Variants in RSPH4A observed in about 807,000 individuals in gnomAD.
The protein encoded by RSPH4A is radial spoke head protein 4 homolog A.
A neutral mutation model predicts 71.0 loss-of-function variants in RSPH4A; 47 were observed. The ratio of observed to expected loss-of-function variants is 0.66; its 90% confidence interval spans 0.52 to 0.84. The LOEUF (loss-of-function observed/expected upper bound fraction) is 0.84, where lower values mean the gene tolerates loss of function less well. Among genes scored for constraint, RSPH4A ranks in the 40% least tolerant of loss-of-function variants. The probability of loss-of-function intolerance (pLI) is 0.00; values close to 1 mark genes in which losing one functional copy is unlikely to be tolerated. For missense variants in RSPH4A, 793 were observed against 855.2 expected, an observed-to-expected ratio of 0.93 and a Z score of 0.91; for synonymous variants, 282 against 302.3, an observed-to-expected ratio of 0.93 and a Z score of 0.70.
intron 2 of RSPH4A, among the ~76,000 whole-genome samples, chr6:116,624,201 C>T (rs1479106990): frequency 1.3e-5 from 2 of 152,148 alleles, no homozygotes; most frequent in Non-Finnish European, 2.9e-5. Context: ...CTAACTGATG[C>T]AGTAAGACCT....
rs1302492081 is a variant in RSPH4A at position 116,630,560 on chromosome 6, T to C, written c.1916+8T>C. 1 of 1,295,388 alleles carries C rather than the reference T, an allele frequency of 7.7e-7. No homozygotes were observed. The highest frequency in any genetic ancestry group is 1.1e-6 in the Non-Finnish European group (1 of 889,826). 80.2% of individuals were successfully genotyped at this position (1,295,388 alleles called of 1,614,324 possible). On this transcript the variant is annotated splice_region_variant and intron_variant, in intron 5 of 5. Transcript: ENST00000229554. ...TGCCTTCTCCAATGGCAAGTAAGTA[T>C]CTGACCACTTACAAAGCCATTTCTG...
intron 1 of RSPH4A, among the ~76,000 whole-genome samples, chr6:116,618,615 G>T (rs1208892220): frequency 6.6e-6 from 1 of 152,194 alleles, no homozygotes; most frequent in African/African-American, 2.4e-5. Context: ...CTGGGTTCAA[G>T]CGATTCTCCT....
Position 116,630,845 on chromosome 6 carries a change from G to GTTTTTT in RSPH4A, c.1916+294_1916+295insTTTTTT, listed in dbSNP as rs1285123787. On this transcript the variant is annotated intron_variant, in intron 5 of 5. Transcript: ENST00000229554. ...GCACCACTATGCCCAGCTAATTTTT[G>GTTTTTT]TATTTTTTTTTTTTTTTTTTTTTTT... Among the ~76,000 whole-genome samples the GTTTTTT allele has an allele frequency of 8.2e-3, 557 of 67,558 alleles. 49 individuals carry two copies. The highest frequency in any genetic ancestry group is 0.01 in the Non-Finnish European group (377 of 37,500). The allele number at this position is 67,558 out of a possible 152,430, so 44.3% of individuals were successfully genotyped here.
chr6:116,629,508 A>G, intron 3 of RSPH4A, 59 bp from the exon 4 acceptor site: 1 of 1,545,936 alleles, frequency 6.5e-7, no homozygotes, highest in Non-Finnish European at 8.9e-7. Flanking sequence ...ATTCAAATGA[A>G]TAATCTGAAA....
intron 2 of RSPH4A, 128 bp downstream of exon 2, chr6:116,623,130 G>C (rs533753707): frequency 9.7e-6 from 7 of 719,032 alleles, no homozygotes; most frequent in South Asian, 6.5e-5. Flanking sequence ...GTTTTGTTTA[G>C]ACAGGCTCCC....
At chr6:116,619,064 A>G (rs1775558511) in intron 1 of RSPH4A, among the ~76,000 whole-genome samples, 1 of 152,142 alleles carries the variant, frequency 6.6e-6, no homozygotes, top group African/African-American at 2.4e-5. Context: ...AAGGAGTGCA[A>G]AGTTTCCTTG....
intron 4 of RSPH4A, 73 bp downstream of exon 4, chr6:116,629,775 T>C (rs763626795): frequency 4.3e-5 from 60 of 1,390,490 alleles, no homozygotes; most frequent in Non-Finnish European, 6.1e-5. Flanking sequence ...ATATAGTAAA[T>C]ATGAGAGTCG....
chr6:116,619,524 A>T (rs116392034), intron 1 of RSPH4A, among the ~76,000 whole-genome samples: 1 of 152,188 alleles, frequency 6.6e-6, no homozygotes, highest in Non-Finnish European at 1.5e-5. Context: ...ACCATGATCT[A>T]TTGGGGTGCT....
At chr6:116,623,798 T>C (rs1323352686) in intron 2 of RSPH4A, among the ~76,000 whole-genome samples, 1 of 152,226 alleles carries the variant, frequency 6.6e-6, no homozygotes. Flanking sequence ...ATATTATGTA[T>C]ATTACATCAA....
Position 116,632,518 on chromosome 6 carries a change from C to G in RSPH4A, c.*77C>G. ...TATATGGGACTAATTTTACACTTTT[C>G]TGTGTTATGTGTGTATATACATACA... On this transcript the variant is annotated 3_prime_UTR_variant, in exon 6 of 6. Transcript: ENST00000229554. 2.6e-6 allele frequency: 4 copies of G among 1,544,154 alleles called. No homozygotes were observed. The highest frequency in any genetic ancestry group is 3.5e-6 in the Non-Finnish European group (4 of 1,141,892).
intron 1 of RSPH4A, among the ~76,000 whole-genome samples, chr6:116,620,087 C>A (rs1199604144): frequency 6.6e-6 from 1 of 152,200 alleles, no homozygotes; most frequent in Non-Finnish European, 1.5e-5. Flanking sequence ...CCATAGTGGA[C>A]TCTACTTGAA....
At chr6:116,625,331 C>G (rs1775677244) in intron 2 of RSPH4A, among the ~76,000 whole-genome samples, 1 of 151,942 alleles carries the variant, frequency 6.6e-6, no homozygotes, top group Non-Finnish European at 1.5e-5. Flanking sequence ...GAAAAAGGAA[C>G]AATAAAATAA....
chr6:116,632,879 T>G lies in RSPH4A; in HGVS notation c.*438T>G, dbSNP rs1450072176. On this transcript the variant is annotated 3_prime_UTR_variant, in exon 6 of 6. Transcript: ENST00000229554. ...GGAAACATCAATACTTTTTAAAGAG[T>G]GTCAAGGGGTATGAAGACAAAAAAT... 5.0e-6 allele frequency: 1 copy of G among 200,000 alleles called. No homozygotes were observed. The highest frequency in any genetic ancestry group is 1.0e-5 in the Non-Finnish European group (1 of 97,046). 12.4% of individuals were successfully genotyped at this position (200,000 alleles called of 1,614,324 possible).
chr6:116,628,087 A>G lies in RSPH4A; in HGVS notation c.1380A>G (p.Lys460=), dbSNP rs1292618461. 1 of 1,614,120 alleles carries G rather than the reference A, an allele frequency of 6.2e-7. No individual in the cohort carries two copies. Among genetic ancestry groups the G allele is most frequent in the South Asian group, 1.1e-5 (1 of 91,086 alleles). The change falls in exon 3 of 6, where the codon AAA becomes AAG. Residue 460 remains lysine, a synonymous_variant. Coordinates refer to ENST00000229554, the MANE Select transcript of RSPH4A (RefSeq NM_001010892.3). ...TTGTTATTGCAAGAAAAATCAAGAAATTTTTCACTGGGCGATTGGATGCTC... is the reference window on the plus strand; with the variant it reads ...TTGTTATTGCAAGAAAAATCAAGAAGTTTTTCACTGGGCGATTGGATGCTC... ...AQIVIARKIK[K]FFTGRLDAPI...
chr6:116,622,072 AT>A (rs1458534511), intron 1 of RSPH4A, among the ~76,000 whole-genome samples: 1 of 152,216 alleles, frequency 6.6e-6, no homozygotes, highest in Non-Finnish European at 1.5e-5. Flanking sequence ...ATAGAACAAA[AT>A]ATTAGAGTGT....
intron 1 of RSPH4A, among the ~76,000 whole-genome samples, chr6:116,620,592 C>G (rs1775587671): frequency 6.6e-6 from 1 of 152,092 alleles, no homozygotes; most frequent in South Asian, 2.1e-4. Context: ...TTACTCCTCT[C>G]TAATAGAAAA....
chr6:116,616,733 C>G lies in RSPH4A; in HGVS notation c.110C>G (p.Pro37Arg), dbSNP rs2115350900. The G allele has an allele frequency of 6.2e-7, 1 of 1,613,724 alleles. No individual in the cohort carries two copies. Among genetic ancestry groups the G allele is most frequent in the East Asian group, 2.2e-5 (1 of 44,866 alleles). The change falls in exon 1 of 6, where the codon CCT (proline) becomes CGT (arginine). Residue 37 changes from proline (P) to arginine (R), a missense_variant. Physicochemically the swap from Pro to Arg is moderately radical, Grantham distance 103. Transcript: ENST00000229554. Reference protein sequence around the residue: ...KTAASPQYSEPESSEPLEAKQ... With the variant: ...KTAASPQYSERESSEPLEAKQ... ...GCAGCTTCTCCCCAATATTCTGAGC[C>G]TGAGTCGTCTGAGCCCTTGGAGGCG...
chr6:116,632,126 C>A, intron 5 of RSPH4A, 81 bp from the exon 6 acceptor site: 1 of 964,776 alleles, frequency 1.0e-6, no homozygotes, highest in Non-Finnish European at 1.6e-6. Flanking sequence ...ATATTCTAAG[C>A]ACTTTAATAT....
chr6:116,630,563 GACC>G lies in RSPH4A; in HGVS notation c.1916+14_1916+16del. ...CTTCTCCAATGGCAAGTAAGTATCT[GACC>G]ACTTACAAAGCCATTTCTGTGATTA... On this transcript the variant is annotated intron_variant, in intron 5 of 5. Coordinates refer to ENST00000229554, the MANE Select transcript of RSPH4A (RefSeq NM_001010892.3). The G allele has an allele frequency of 7.9e-7, 1 of 1,266,468 alleles. No individual in the cohort carries two copies. Among genetic ancestry groups the G allele is most frequent in the South Asian group, 1.2e-5 (1 of 84,190 alleles). The allele number at this position is 1,266,468 out of a possible 1,614,324, so 78.5% of individuals were successfully genotyped here.
Sources: allele counts gnomAD v4.1 joint callset (sites outside exome capture counted in the v4.1 genomes callset), GRCh38; gene constraint gnomAD v4.1.1; transcripts MANE v1.5; gene names NCBI Gene and HGNC (gene_info 2026-07-23, HGNC 2026-07-21).